The following DTX1 variants were observed in gnomAD, a reference collection of about 807,000 sequenced individuals.
DTX1 encodes the protein E3 ubiquitin-protein ligase DTX1.
A neutral mutation model predicts 57.8 loss-of-function variants in DTX1; 26 were observed. That is an observed-to-expected ratio of 0.45 (90% CI 0.33 to 0.62). DTX1 has a LOEUF of 0.62. DTX1 is among the 20% of genes least tolerant of loss of function. The pLI, the probability that DTX1 is intolerant of heterozygous loss-of-function variation, is 0.02. For missense variants in DTX1, 704 were observed against 895.3 expected, an observed-to-expected ratio of 0.79 and a Z score of 2.73; for synonymous variants, 398 against 394.1, an observed-to-expected ratio of 1.01 and a Z score of -0.12.
intron 3 of DTX1, among the ~76,000 whole-genome samples, chr12:113,091,478 TTGTG>T (rs1281781699): frequency 2.0e-5 from 3 of 151,938 alleles, no homozygotes; most frequent in Non-Finnish European, 4.4e-5. Context: ...ACTCCCTGGG[TTGTG>T]TGTGTTTGTG....
At chr12:113,073,119 T>C (rs1592846102) in intron 2 of DTX1, among the ~76,000 whole-genome samples, 1 of 151,968 alleles carries the variant, frequency 6.6e-6, no homozygotes, top group Non-Finnish European at 1.5e-5. Flanking sequence ...ATAAGGCGGG[T>C]TCCCATTGCT....
chr12:113,094,704 C>T, intron 6 of DTX1, 85 bp from the exon 7 acceptor site: 12 of 1,516,912 alleles, frequency 7.9e-6, no homozygotes, highest in Non-Finnish European at 1.1e-5. Flanking sequence ...GGTCTGCTGC[C>T]TATGGTGACC....
intron 2 of DTX1, among the ~76,000 whole-genome samples, chr12:113,066,236 T>C (rs1338136530): frequency 1.3e-5 from 2 of 152,076 alleles, no homozygotes; most frequent in African/African-American, 2.4e-5. Flanking sequence ...CTAAGAATCA[T>C]GGGGTGTGTA....
chr12:113,078,001 C>A lies in DTX1; in HGVS notation c.837C>A (p.Ser279Arg). 1.8e-6 allele frequency: 2 copies of A among 1,106,152 alleles called. No homozygotes were observed. Among genetic ancestry groups the A allele is most frequent in the Non-Finnish European group, 2.2e-6 (2 of 908,158 alleles). The allele number at this position is 1,106,152 out of a possible 1,614,324, so 68.5% of individuals were successfully genotyped here. Residue 279 changes from serine (S) to arginine (R), a missense_variant, in exon 3 of 10, where the codon AGC becomes AGA. Coordinates refer to ENST00000548759, the MANE Select transcript of DTX1 (RefSeq NM_004416.3). Reference protein sequence around the residue: ...PAPPPGAPPRSPGAPGGARTP... With the variant: ...PAPPPGAPPRRPGAPGGARTP... ...CGCCTCCCGGGGCGCCCCCACGGAG[C>A]CCGGGCGCCCCCGGCGGAGCGCGCA... is the stretch of plus-strand genomic sequence containing the variant.
rs932530421 is a variant in DTX1, at chr12:113,058,122, G to T, written c.-71G>T. The T allele has an allele frequency of 4.1e-6, 6 of 1,479,156 alleles. No individual in the cohort carries two copies. The highest frequency in any genetic ancestry group is 1.4e-5 in the South Asian group (1 of 72,956). 91.6% of individuals were successfully genotyped at this position (1,479,156 alleles called of 1,614,324 possible). A position where few individuals can be genotyped will look rare whatever the true frequency, so the allele number is the denominator to read the frequency against. On this transcript the variant is annotated 5_prime_UTR_variant, in exon 2 of 10. Transcript: ENST00000548759. ...CCCCCTGGGGAGAGAGGAAGTTGCC[G>T]CCTGCTGCCAGGCCCAGGAGGAGCT...
intron 2 of DTX1, among the ~76,000 whole-genome samples, chr12:113,062,149 T>G (rs1304941159): frequency 1.3e-5 from 2 of 152,182 alleles, no homozygotes; most frequent in Non-Finnish European, 1.5e-5. Context: ...ATTTTCTAAT[T>G]GTAAAATTCT....
Position 113,093,210 on chromosome 12 carries a change from T to C in DTX1, c.990T>C (p.His330=). The part of the protein sequence containing the change: ...VKNLNGTGPV[H]PALAGMTGIL... ...ACTTGAATGGTACTGGGCCGGTCCA[T>C]CCGGCCCTGGCAGGTGAGGTCTGGC... Residue 330 remains histidine, a synonymous_variant, in exon 4 of 10, where the codon CAT becomes CAC. Transcript: ENST00000548759. The surrounding 1 kb of genome is among the most constrained non-coding windows in gnomAD (Gnocchi z 4.2). The C allele has an allele frequency of 6.3e-7, 1 of 1,593,966 alleles. No homozygotes were observed. The highest frequency in any genetic ancestry group is 8.5e-7 in the Non-Finnish European group (1 of 1,171,168).
At position 113,075,064 on chromosome 12, in the gene DTX1, A is replaced by G. The variant is rs1017323313; in HGVS notation, c.260-2360A>G. ...GCCAAAGATGGCAGATTTTGGAATC[A>G]TCAGAGTAGACACGGTATTTATCTC... is the stretch of plus-strand genomic sequence containing the variant. On this transcript the variant is annotated intron_variant, in intron 2 of 9. Coordinates refer to ENST00000548759, the MANE Select transcript of DTX1 (RefSeq NM_004416.3). Among the ~76,000 whole-genome samples the G allele has an allele frequency of 3.9e-5, 6 of 152,346 alleles. No individual in the cohort carries two copies. In the East Asian group the frequency reaches 9.6e-4, roughly 24 times the overall value.
In DTX1 at chr12:113,097,192, C is replaced by T. The variant is rs1950313321; in HGVS notation, c.*253C>T. The T allele has an allele frequency of 7.8e-6, 4 of 509,890 alleles. No individual in the cohort carries two copies. The highest frequency in any genetic ancestry group is 1.1e-5 in the Non-Finnish European group (3 of 283,412). The allele number at this position is 509,890 out of a possible 1,614,324, so 31.6% of individuals were successfully genotyped here. A position where few individuals can be genotyped will look rare whatever the true frequency, so the allele number is the denominator to read the frequency against. ...CCTCCCTACCAAAAAGACAGAGACCCGCCCCCTCACACACAAACACACATG... is the reference window on the plus strand; with the variant it reads ...CCTCCCTACCAAAAAGACAGAGACCTGCCCCCTCACACACAAACACACATG... On this transcript the variant is annotated 3_prime_UTR_variant, in exon 10 of 10. Transcript: ENST00000548759.
rs917690552 is a variant in DTX1, at chr12:113,077,635, G to T, written c.471G>T (p.Ser157=). 10 of 1,609,988 alleles carry T rather than the reference G, an allele frequency of 6.2e-6. No homozygotes were observed. The highest frequency in any genetic ancestry group is 1.6e-4 in the Middle Eastern group (1 of 6,084). Residue 157 remains serine, a synonymous_variant, in exon 3 of 10, where the codon TCG becomes TCT. Coordinates refer to ENST00000548759, the MANE Select transcript of DTX1 (RefSeq NM_004416.3). The surrounding 1 kb of genome is among the most constrained non-coding windows in gnomAD (Gnocchi z 7.8). ...ACCTCATCTACTTCAACAGCATGTC[G>T]CAGATGAACCGCCAGACGCGCCGGC... The part of the protein sequence containing the change: ...FCYLIYFNSM[S]QMNRQTRRRR...
rs2044773599 is a variant in DTX1, at chr12:113,076,578, A to C, written c.260-846A>C. Among the ~76,000 whole-genome samples, 5 of 152,160 alleles carry C rather than the reference A, an allele frequency of 3.3e-5. No homozygotes were observed. In the South Asian group the frequency reaches 8.3e-4, roughly 25 times the overall value. On this transcript the variant is annotated intron_variant, in intron 2 of 9. Coordinates refer to ENST00000548759, the MANE Select transcript of DTX1 (RefSeq NM_004416.3). The stretch of plus-strand genomic sequence containing the variant: ...GAAGAGTTTGAGACTTAGCCTGGGC[A>C]ACATAGGGAGACCCCTGTCTCTAAA...
chr12:113,058,313 A>C lies in DTX1; in HGVS notation c.121A>C (p.Thr41Pro). ...LNEHSRWRPY[T>P]ATVCHHIENV... ...TGAGCACAGCCGCTGGCGGCCCTAC[A>C]CGGCCACCGTGTGCCACCACATTGA... Residue 41 changes from threonine (T) to proline (P), a missense_variant, in exon 2 of 10, where the codon ACG becomes CCG. Around this residue, in one of 3 missense-constraint regions of DTX1, gnomAD observed 237 missense variants for 328.6 expected, o/e 0.72. Coordinates refer to ENST00000548759, the MANE Select transcript of DTX1 (RefSeq NM_004416.3). 2 of 1,613,412 alleles carry C rather than the reference A, an allele frequency of 1.2e-6. No homozygotes were observed. The highest frequency in any genetic ancestry group is 2.2e-5 in the East Asian group (1 of 44,878).
intron 2 of DTX1, among the ~76,000 whole-genome samples, chr12:113,062,021 A>G (rs979488105): frequency 7.0e-5 from 10 of 141,854 alleles, no homozygotes; most frequent in Non-Finnish European, 1.5e-4. Flanking sequence ...TCTTGAAAAT[A>G]TTATATTTCA....
At chr12:113,070,420 T>C (rs2044730967) in intron 2 of DTX1, among the ~76,000 whole-genome samples, 1 of 152,006 alleles carries the variant, frequency 6.6e-6, no homozygotes, top group Admixed American at 6.5e-5. Flanking sequence ...GCCCCCAAAC[T>C]GAGATCACTT....
intron 3 of DTX1, chr12:113,090,145 T>C (rs2136065599): frequency 2.0e-5 from 3 of 152,358 alleles, no homozygotes; most frequent in Middle Eastern, 3.4e-3. Context: ...AAAAAAGAGA[T>C]ACTTTCTTCT....
At chr12:113,071,491 T>C (rs1158887041) in intron 2 of DTX1, among the ~76,000 whole-genome samples, 1 of 152,260 alleles carries the variant, frequency 6.6e-6, no homozygotes, top group Non-Finnish European at 1.5e-5. Context: ...ACGCAGACCC[T>C]GTGGCCAGCA....
At chr12:113,094,742 G>T (rs549766566) in intron 6 of DTX1, 47 bp from the exon 7 acceptor site, 1 of 1,590,536 alleles carries the variant, frequency 6.3e-7, no homozygotes, top group African/African-American at 1.3e-5. Context: ...GACCCAGTAG[G>T]TGCCCTGCCC....
In DTX1 at chr12:113,093,438, C is replaced by CGG; in HGVS notation, c.1004-101_1004-100insGG. ...GAGTGGGTGGGGCCCAAGAGCGCAA[C>CGG]CCTCCCACCCACCCGAGGGCCCCGG... is the stretch of plus-strand genomic sequence containing the variant. On this transcript the variant is annotated intron_variant, in intron 4 of 9. Coordinates refer to ENST00000548759, the MANE Select transcript of DTX1 (RefSeq NM_004416.3). This position sits in a 1 kb window ranked among gnomAD's most constrained non-coding sequence, Gnocchi z 4.2. 1.5e-6 allele frequency: 1 copy of CGG among 670,346 alleles called. No individual in the cohort carries two copies. The allele number at this position is 670,346 out of a possible 1,614,324, so 41.5% of individuals were successfully genotyped here. A position where few individuals can be genotyped will look rare whatever the true frequency, so the allele number is the denominator to read the frequency against.
intron 6 of DTX1, 128 bp from the exon 7 acceptor site, chr12:113,094,661 C>T: frequency 8.5e-7 from 1 of 1,180,546 alleles, no homozygotes; most frequent in Non-Finnish European, 1.2e-6. Flanking sequence ...TGTGTCCTGT[C>T]TCCCTTTGCC....
Sources: gnomAD v4.1 joint callset for allele counts (sites outside exome capture counted in the v4.1 genomes callset) on GRCh38, gnomAD v4.1.1 for gene constraint, gnomAD v4.1.1 regional missense constraint, Gnocchi (gnomAD v3.1) non-coding constraint, MANE v1.5 for transcripts, NCBI Gene and HGNC (gene_info 2026-07-23, HGNC 2026-07-21) for gene names.